The following ARHGEF16 variants were observed in gnomAD, a reference collection of about 807,000 sequenced individuals.
ARHGEF16 encodes the protein Rho guanine nucleotide exchange factor 16, also known as Rho guanine exchange factor (GEF) 16.
Under a neutral mutation model 74.1 loss-of-function variants are expected in ARHGEF16, and 59 were observed. That is an observed-to-expected ratio of 0.80 (90% confidence interval 0.65 to 0.99). The LOEUF is 0.99. ARHGEF16 is among the 50% of genes least tolerant of loss of function. The pLI is 0.00. For missense variants in ARHGEF16, 948 were observed against 986.6 expected, an observed-to-expected ratio of 0.96 and a Z score of 0.52; for synonymous variants, 415 against 412.6, an observed-to-expected ratio of 1.01 and a Z score of -0.07.
At chr1:3,455,221 T>TG (rs1364036834) in intron 1 of ARHGEF16, among the ~76,000 whole-genome samples, 3 of 151,698 alleles carry the variant, frequency 2.0e-5, no homozygotes, top group Non-Finnish European at 2.9e-5. Context: ...GAGCATGGGG[T>TG]GGGGGGCGGA....
chr1:3,479,848 C>T lies in ARHGEF16; in HGVS notation c.1925C>T (p.Ala642Val), dbSNP rs180731913. 3.2e-5 allele frequency: 52 copies of T among 1,612,318 alleles called. No homozygotes were observed. The African/African-American group carries it at 3.5e-4, about 11-fold the overall frequency. ...GTGGAGATCACCAAGGCCTTCTTCGCGAAGCAAGCAGACGAGGTCACACTG... is the reference window on the plus strand; with the variant it reads ...GTGGAGATCACCAAGGCCTTCTTCGTGAAGCAAGCAGACGAGGTCACACTG... ...PQVEITKAFF[A>V]KQADEVTLQQ... is the part of the protein sequence containing the mutation. Residue 642 changes from alanine (A) to valine (V), a missense_variant, in exon 14 of 15, where the codon GCG (alanine) becomes GTG (valine). Transcript: ENST00000378378.
chr1:3,477,364 C>T (rs140735496), intron 10 of ARHGEF16, among the ~76,000 whole-genome samples: 61 of 95,202 alleles, frequency 6.4e-4, no homozygotes, highest in African/African-American at 2.5e-3. Flanking sequence ...CTTTGCCATC[C>T]TTCTGCCCCC....
chr1:3,466,090 C>T (rs1037270962), intron 2 of ARHGEF16, 58 bp from the exon 3 acceptor site: 39 of 1,539,808 alleles, frequency 2.5e-5, no homozygotes, highest in East Asian at 2.5e-4. Context: ...GCAGAATCGC[C>T]GTGGGCAACA....
chr1:3,477,821 CTG>C (rs1639930838), intron 10 of ARHGEF16, 52 bp from the exon 11 acceptor site: 4 of 1,583,444 alleles, frequency 2.5e-6, no homozygotes, highest in Admixed American at 1.7e-5. Context: ...CACCCCGGCT[CTG>C]TCCCCCCCAG....
Position 3,477,971 on chromosome 1 carries a change from C to G in ARHGEF16, c.1570C>G (p.Pro524Ala), listed in dbSNP as rs746181723. ...TGLFRKIASR[P>A]TCYLFLFNDV... is the part of the protein sequence containing the mutation. ...ACTTTTTCGAAAAATTGCCAGCCGG[C>G]CAACGTGCTACCTTTTCCTGTTCAA... The change falls in exon 11 of 15, where the codon CCA (proline) becomes GCA (alanine). Residue 524 changes from proline (P) to alanine (A), a missense_variant. Pro to Ala is a conservative substitution (Grantham distance 27, BLOSUM62 -1). Transcript: ENST00000378378. 1 of 1,612,678 alleles carries G rather than the reference C, an allele frequency of 6.2e-7. No homozygotes were observed. The highest frequency in any genetic ancestry group is 1.7e-5 in the Admixed American group (1 of 60,026).
intron 1 of ARHGEF16, among the ~76,000 whole-genome samples, chr1:3,459,234 G>A (rs1261985772): frequency 6.6e-6 from 1 of 152,194 alleles, no homozygotes; most frequent in Non-Finnish European, 1.5e-5. Context: ...GACAGCCAGA[G>A]CTCCCAGGCT....
At chr1:3,459,763 A>G (rs950518103) in intron 1 of ARHGEF16, among the ~76,000 whole-genome samples, 11 of 152,242 alleles carry the variant, frequency 7.2e-5, no homozygotes, top group Admixed American at 2.0e-4. Context: ...AATCATTAAC[A>G]GGACGTGGAC....
At chr1:3,464,384 C>T (rs927424558) in intron 2 of ARHGEF16, among the ~76,000 whole-genome samples, 3 of 152,178 alleles carry the variant, frequency 2.0e-5, no homozygotes, top group East Asian at 1.9e-4. Context: ...CTGGAAGCCA[C>T]GTTCAGGGAG....
At chr1:3,460,080 C>T (rs1282905126) in intron 1 of ARHGEF16, among the ~76,000 whole-genome samples, 2 of 152,234 alleles carry the variant, frequency 1.3e-5, no homozygotes, top group East Asian at 1.9e-4. Context: ...CAGAAGGCAA[C>T]GGGTGCCTGC....
chr1:3,460,193 G>A lies in ARHGEF16; in HGVS notation c.-19-2873G>A, dbSNP rs956700566. On this transcript the variant is annotated intron_variant, in intron 1 of 14. Coordinates refer to ENST00000378378, the MANE Select transcript of ARHGEF16 (RefSeq NM_014448.4). ...TGGGTGCGGCTGCCTCGCTGGGAGC[G>A]GAGGTCACACCCAGCAATGGCTCAG... Among the ~76,000 whole-genome samples, 107 of 152,308 alleles carry A rather than the reference G, an allele frequency of 7.0e-4. 1 individual carries two copies. Among genetic ancestry groups the A allele is most frequent in the East Asian group, 1.2e-3 (6 of 5,176 alleles).
Position 3,473,135 on chromosome 1 carries a change from T to A in ARHGEF16, c.1080T>A (p.Ser360Arg). The change falls in exon 7 of 15, where the codon AGT (serine) becomes AGA (arginine). Residue 360 changes from serine (S) to arginine (R), a missense_variant. Ser to Arg is a moderately radical substitution (Grantham distance 110, BLOSUM62 -1). Coordinates refer to ENST00000378378, the MANE Select transcript of ARHGEF16 (RefSeq NM_014448.4). ...HKAQVLVEDI[S>R]DILEEHAEKH... ...CCCAGGTGCTGGTCGAGGACATCAG[T>A]GACATCCTGGAGGAGCACGCTGAGA... 6.2e-7 allele frequency: 1 copy of A among 1,613,450 alleles called. No homozygotes were observed. Among genetic ancestry groups the A allele is most frequent in the Non-Finnish European group, 8.5e-7 (1 of 1,179,992 alleles).
chr1:3,476,769 GCCACCCT>G (rs1440181604), intron 10 of ARHGEF16, among the ~76,000 whole-genome samples: 5 of 150,960 alleles, frequency 3.3e-5, no homozygotes, highest in Non-Finnish European at 5.9e-5. Context: ...CAGGCCACCA[GCCACCCT>G]CACTCAGGGC....
In ARHGEF16 at chr1:3,463,687, G is replaced by C; in HGVS notation, c.588+15G>C. 2 of 1,393,980 alleles carry C rather than the reference G, an allele frequency of 1.4e-6. No individual in the cohort carries two copies. Among genetic ancestry groups the C allele is most frequent in the East Asian group, 2.6e-5 (1 of 38,990 alleles). 86.4% of individuals were successfully genotyped at this position (1,393,980 alleles called of 1,614,324 possible). On this transcript the variant is annotated intron_variant, in intron 2 of 14. Coordinates refer to ENST00000378378, the MANE Select transcript of ARHGEF16 (RefSeq NM_014448.4). Reference sequence around the variant, plus strand: ...CCAAAAACAAGGTAGGGGCCTGCTCGTGTGGACCGTGGGGAGGGGGCTGCT... The same window carrying C: ...CCAAAAACAAGGTAGGGGCCTGCTCCTGTGGACCGTGGGGAGGGGGCTGCT...
intron 9 of ARHGEF16, 91 bp downstream of exon 9, chr1:3,474,873 G>A (rs191930201): frequency 2.5e-6 from 3 of 1,186,576 alleles, no homozygotes; most frequent in African/African-American, 3.0e-5. Flanking sequence ...CATAGGGCTG[G>A]CTTCCCCTAC....
chr1:3,479,633 G>C (rs777220876), intron 13 of ARHGEF16, 43 bp downstream of exon 13: 72 of 1,598,102 alleles, frequency 4.5e-5, no homozygotes, highest in Non-Finnish European at 6.8e-6. Context: ...CTCTGCCGTG[G>C]CTGGCACTTT....
chr1:3,462,725 G>A (rs1041756021), intron 1 of ARHGEF16, among the ~76,000 whole-genome samples: 32 of 152,316 alleles, frequency 2.1e-4, no homozygotes, highest in Admixed American at 9.2e-4. Flanking sequence ...TCCTCAGTGC[G>A]TGCTGCCCAT....
intron 6 of ARHGEF16, chr1:3,472,732 G>T: frequency 4.8e-6 from 1 of 209,112 alleles, no homozygotes. Context: ...GGCACCAACT[G>T]GACAGGGCAC....
At chr1:3,469,678 C>T in intron 6 of ARHGEF16, 85 bp downstream of exon 6, 1 of 1,535,254 alleles carries the variant, frequency 6.5e-7, no homozygotes, top group East Asian at 2.3e-5. Context: ...CATCAGCAGG[C>T]CCCTGGGAGC....
chr1:3,480,323 G>A (rs774087699), intron 14 of ARHGEF16, 125 bp from the exon 15 acceptor site: 5 of 1,372,162 alleles, frequency 3.6e-6, no homozygotes, highest in Non-Finnish European at 3.9e-6. Context: ...TGTCTGCTCT[G>A]AGCAGGAGCA....
Sources: allele counts gnomAD v4.1 joint callset (sites outside exome capture counted in the v4.1 genomes callset), GRCh38; gene constraint gnomAD v4.1.1; transcripts MANE v1.5; gene names NCBI Gene and HGNC (gene_info 2026-07-23, HGNC 2026-07-21).